The following MAN1A1 variants were observed in gnomAD, a reference collection of about 807,000 sequenced individuals.
MAN1A1 encodes the protein mannosidase alpha class 1A member 1.
A neutral mutation model predicts 70.8 loss-of-function variants in MAN1A1; 29 were observed. The observed-to-expected ratio is 0.41, with a 90% CI of 0.31 to 0.56. The LOEUF (loss-of-function observed/expected upper bound fraction) is 0.56. MAN1A1 is among the 20% of genes least tolerant of loss of function. The pLI is 0.29. For synonymous variants in MAN1A1, 349 were observed against 330.1 expected, an observed-to-expected ratio of 1.06 and a Z score of -0.62; for missense variants, 747 against 841.3, an observed-to-expected ratio of 0.89 and a Z score of 1.39.
chr6:119,329,831 G>A (rs1166333187), intron 2 of MAN1A1, among the ~76,000 whole-genome samples: 1 of 152,128 alleles, frequency 6.6e-6, no homozygotes, highest in Non-Finnish European at 1.5e-5. Flanking sequence ...CAATACAGCT[G>A]CTACCCTGAA....
In MAN1A1 at chr6:119,302,114, C is replaced by G. The variant is rs760067091; in HGVS notation, c.701-11G>C. ...CTCCTTTGATGTTACCTGAAAAGAT[C>G]AGAAAAATATTTGATAAAATACTTT... On this transcript the variant is annotated splice_polypyrimidine_tract_variant and intron_variant, in intron 3 of 12. Coordinates refer to ENST00000368468, the MANE Select transcript of MAN1A1 (RefSeq NM_005907.4). 1.7e-5 allele frequency: 22 copies of G among 1,304,328 alleles called. No individual in the cohort carries two copies. The African/African-American group carries it at 1.8e-4, about 10-fold the overall frequency. The allele number at this position is 1,304,328 out of a possible 1,614,324, so 80.8% of individuals were successfully genotyped here.
At chr6:119,242,054 A>C (rs958878164) in intron 6 of MAN1A1, among the ~76,000 whole-genome samples, 1 of 151,908 alleles carries the variant, frequency 6.6e-6, no homozygotes, top group African/African-American at 2.4e-5. Context: ...CAAAGCAACC[A>C]GAACAGTCAG....
At chr6:119,256,700 C>T (rs1775469620) in intron 5 of MAN1A1, among the ~76,000 whole-genome samples, 1 of 152,034 alleles carries the variant, frequency 6.6e-6, no homozygotes, top group Admixed American at 6.6e-5. Context: ...TGCTACTCAC[C>T]AGTTATGTCA....
chr6:119,335,167 T>C (rs1229153844), intron 2 of MAN1A1, among the ~76,000 whole-genome samples: 1 of 152,204 alleles, frequency 6.6e-6, no homozygotes, highest in Non-Finnish European at 1.5e-5. Flanking sequence ...AATACAGCAA[T>C]ACTGCAGCCA....
At chr6:119,239,504 T>G (rs1774946162) in intron 6 of MAN1A1, among the ~76,000 whole-genome samples, 1 of 152,230 alleles carries the variant, frequency 6.6e-6, no homozygotes. Context: ...TTAAAACTAT[T>G]GGCTGTAGCC....
intron 6 of MAN1A1, among the ~76,000 whole-genome samples, chr6:119,242,777 G>A (rs1288419145): frequency 6.6e-6 from 1 of 152,102 alleles, no homozygotes; most frequent in Non-Finnish European, 1.5e-5. Context: ...GAAAAGTTAA[G>A]TGAATTTTCC....
chr6:119,188,478 A>G lies in MAN1A1; in HGVS notation c.1646T>C (p.Met549Thr). The G allele has an allele frequency of 3.1e-6, 5 of 1,614,070 alleles. No homozygotes were observed. Among genetic ancestry groups the G allele is most frequent in the South Asian group, 1.1e-5 (1 of 91,078 alleles). The change falls in exon 11 of 13, where the codon ATG becomes ACG. Residue 549 changes from methionine (M) to threonine (T), a missense_variant. This residue lies in a region of MAN1A1 where 419 missense variants were observed against 548.2 expected (regional missense o/e 0.76). Transcript: ENST00000368468. ...EKYYILRPEV[M>T]ETYMYMWRLT... ...TCTCCACATATACATGTAAGTCTCC[A>G]TAACTTCTGGCCGTAAGATGTAGTA...
rs1349193481 is a variant in MAN1A1 at position 119,204,625 on chromosome 6, G to A, written c.1116+134C>T. On this transcript the variant is annotated intron_variant, in intron 7 of 12. Coordinates refer to ENST00000368468, the MANE Select transcript of MAN1A1 (RefSeq NM_005907.4). Reference sequence around the variant, plus strand: ...AGTTTGGCTAAATGAAATGCTGCATGTTGCAAAACTTCAGAAAGAGCTATA... The same window carrying A: ...AGTTTGGCTAAATGAAATGCTGCATATTGCAAAACTTCAGAAAGAGCTATA... 2.7e-6 allele frequency: 3 copies of A among 1,093,122 alleles called. No homozygotes were observed. In the Admixed American group the frequency reaches 6.4e-5, roughly 23 times the overall value. The allele number at this position is 1,093,122 out of a possible 1,614,324, so 67.7% of individuals were successfully genotyped here.
intron 5 of MAN1A1, among the ~76,000 whole-genome samples, chr6:119,276,790 A>G (rs1776078457): frequency 6.6e-6 from 1 of 152,246 alleles, no homozygotes. Context: ...TGTTTTGTCA[A>G]TAACTAAAAA....
chr6:119,244,737 T>C lies in MAN1A1; in HGVS notation c.992+3523A>G, dbSNP rs980563266. Among the ~76,000 whole-genome samples the C allele has an allele frequency of 4.6e-5, 7 of 152,276 alleles. No homozygotes were observed. The East Asian group carries it at 1.2e-3, about 25-fold the overall frequency. On this transcript the variant is annotated intron_variant, in intron 6 of 12. Transcript: ENST00000368468. ...GCTTCAAATTCAACCTGGTGAGTAC[T>C]TATTATCTCTCCTTGGTCCATCTTA...
chr6:119,262,923 G>C (rs1326158839), intron 5 of MAN1A1, among the ~76,000 whole-genome samples: 3 of 152,170 alleles, frequency 2.0e-5, no homozygotes, highest in African/African-American at 7.2e-5. Context: ...TGAATCAGTG[G>C]GCTGGGGAAG....
chr6:119,186,688 C>T (rs2114929042), intron 11 of MAN1A1, among the ~76,000 whole-genome samples: 1 of 152,264 alleles, frequency 6.6e-6, no homozygotes, highest in Non-Finnish European at 1.5e-5. Context: ...GCTGTGGTCT[C>T]AAGTATGCAT....
At chr6:119,338,292 T>C (rs1003577231) in intron 2 of MAN1A1, among the ~76,000 whole-genome samples, 3 of 151,958 alleles carry the variant, frequency 2.0e-5, no homozygotes, top group Non-Finnish European at 4.4e-5. Flanking sequence ...CTCTTCACTA[T>C]CTTAAAAAAC....
intron 11 of MAN1A1, among the ~76,000 whole-genome samples, chr6:119,183,362 C>T (rs1773202368): frequency 6.6e-6 from 1 of 151,752 alleles, no homozygotes; most frequent in Non-Finnish European, 1.5e-5. Flanking sequence ...GGAGGATGAG[C>T]ATGAAGAAAG....
At chr6:119,329,128 C>A (rs1773235432) in intron 2 of MAN1A1, among the ~76,000 whole-genome samples, 1 of 152,142 alleles carries the variant, frequency 6.6e-6, no homozygotes. Context: ...CAATACTCCA[C>A]CCCCCTGGCC....
At chr6:119,202,942 G>A (rs1375930723) in intron 7 of MAN1A1, among the ~76,000 whole-genome samples, 1 of 152,142 alleles carries the variant, frequency 6.6e-6, no homozygotes, top group Non-Finnish European at 1.5e-5. Context: ...TGACGGTAGA[G>A]CCTTAAATGG....
intron 5 of MAN1A1, among the ~76,000 whole-genome samples, chr6:119,287,339 T>C (rs143975190): frequency 6.6e-6 from 1 of 152,288 alleles, no homozygotes; most frequent in East Asian, 1.9e-4. Context: ...AATATAGCTA[T>C]TGGTTTCTGT....
intron 5 of MAN1A1, among the ~76,000 whole-genome samples, chr6:119,278,469 C>T (rs1471622776): frequency 1.3e-5 from 2 of 152,118 alleles, no homozygotes; most frequent in African/African-American, 2.4e-5. Flanking sequence ...TTACTCAGTA[C>T]ATATTTTAGT....
At chr6:119,229,774 A>G (rs528075608) in intron 6 of MAN1A1, among the ~76,000 whole-genome samples, 7 of 152,208 alleles carry the variant, frequency 4.6e-5, no homozygotes, top group Non-Finnish European at 1.0e-4. Flanking sequence ...ACAGATAAAG[A>G]TATGTACATA....
Sources: allele counts gnomAD v4.1 joint callset (sites outside exome capture counted in the v4.1 genomes callset), GRCh38; gene constraint gnomAD v4.1.1; regional missense constraint gnomAD v4.1.1; transcripts MANE v1.5; gene names NCBI Gene and HGNC (gene_info 2026-07-23, HGNC 2026-07-21).